The following DLGAP1 variants were observed in gnomAD, a reference collection of about 807,000 sequenced individuals.
DLGAP1 encodes the protein disks large-associated protein 1.
A neutral mutation model predicts 90.8 loss-of-function variants in DLGAP1; 11 were observed. The ratio of observed to expected loss-of-function variants is 0.12; its 90% CI spans 0.08 to 0.20. The LOEUF (loss-of-function observed/expected upper bound fraction) is 0.20, where lower values mean the gene tolerates loss of function less well. DLGAP1 is among the 10% of genes least tolerant of loss of function. The pLI, the probability that DLGAP1 is intolerant of heterozygous loss-of-function variation, is 1.00. For synonymous variants in DLGAP1, 558 were observed against 540.7 expected (o/e 1.03, Z -0.44); for missense variants, 1,050 against 1,333.8 (o/e 0.79, Z 3.31).
chr18:4,094,711 CCTCAACCTCCCAAGTAG>C (rs1227729091), intron 2 of DLGAP1, among the ~76,000 whole-genome samples: 1 of 151,048 alleles, frequency 6.6e-6, no homozygotes, highest in Non-Finnish European at 1.5e-5. Context: ...GATTCTCCTG[CCTCAACCTCCCAAGTAG>C]CTGGGACTAC....
chr18:4,026,684 C>A (rs2074704234), intron 2 of DLGAP1, among the ~76,000 whole-genome samples: 1 of 152,168 alleles, frequency 6.6e-6, no homozygotes, highest in African/African-American at 2.4e-5. Context: ...AGTGGTGCCA[C>A]ATTTTCTATT....
intron 2 of DLGAP1, among the ~76,000 whole-genome samples, chr18:4,125,784 G>A (rs1046171628): frequency 2.6e-5 from 4 of 152,162 alleles, no homozygotes; most frequent in African/African-American, 4.8e-5. Context: ...GATACACCTG[G>A]ACCTGTTTCT....
intron 1 of DLGAP1, among the ~76,000 whole-genome samples, chr18:4,252,567 A>G (rs182905425): frequency 6.6e-6 from 1 of 152,352 alleles, no homozygotes; most frequent in Admixed American, 6.5e-5. Flanking sequence ...CTTTGCACAA[A>G]ACAGCAGTCA....
rs578163621 is a variant in DLGAP1 at position 4,151,242 on chromosome 18, T to C, written c.-221A>G. 3.3e-5 allele frequency: 5 copies of C among 151,956 alleles called. No homozygotes were observed. In the East Asian group the frequency reaches 5.8e-4, roughly 18 times the overall value. 9.4% of individuals were successfully genotyped at this position (151,956 alleles called of 1,614,324 possible). ...TCAGGAAAAGATCCAAATTGCAGGC[T>C]TTTTTTTAACCTGATGTCACTCTGG... On this transcript the variant is annotated 5_prime_UTR_variant, in exon 2 of 13. Transcript: ENST00000315677.
chr18:3,545,958 A>G (rs1340302614), intron 9 of DLGAP1, among the ~76,000 whole-genome samples: 1 of 152,238 alleles, frequency 6.6e-6, no homozygotes, highest in African/African-American at 2.4e-5. Flanking sequence ...TTCTTAATAC[A>G]TAAAGCAAGC....
At chr18:4,038,357 A>G (rs1207264053) in intron 2 of DLGAP1, among the ~76,000 whole-genome samples, 4 of 152,150 alleles carry the variant, frequency 2.6e-5, no homozygotes, top group African/African-American at 9.7e-5. Flanking sequence ...CTTGAAGGTA[A>G]TATGTATGGG....
Position 3,629,829 on chromosome 18 carries a change from T to C in DLGAP1, c.1592-47581A>G, listed in dbSNP as rs549800535. ...CTTTTTGCAGGTTTTGATATTTCGA[T>C]GTCCCTTTCTTGTGAAGGGCAAAGT... On this transcript the variant is annotated intron_variant, in intron 7 of 12. Coordinates refer to ENST00000315677, the MANE Select transcript of DLGAP1 (RefSeq NM_004746.4). 2.6e-4 allele frequency among the ~76,000 whole-genome samples: 39 copies of C among 152,342 alleles called. No homozygotes were observed. In the South Asian group the frequency reaches 2.7e-3, roughly 11 times the overall value.
chr18:4,445,448 T>G (rs1168294271), intron 1 of DLGAP1, among the ~76,000 whole-genome samples: 1 of 62,406 alleles, frequency 1.6e-5, no homozygotes, highest in African/African-American at 6.7e-5. Flanking sequence ...CCCTCCCCCC[T>G]CCCCCCACCC....
intron 9 of DLGAP1, among the ~76,000 whole-genome samples, chr18:3,561,997 G>A (rs1425523756): frequency 6.6e-6 from 1 of 150,490 alleles, no homozygotes; most frequent in Non-Finnish European, 1.5e-5. Context: ...GGGAGGCCGA[G>A]GCGGGAAGAT....
At chr18:3,755,343 A>C (rs559570663) in intron 5 of DLGAP1, among the ~76,000 whole-genome samples, 9 of 152,280 alleles carry the variant, frequency 5.9e-5, no homozygotes, top group Admixed American at 5.9e-4. Flanking sequence ...AAAGGCTGAG[A>C]TTGTCAGACT....
chr18:3,551,769 T>G (rs2053488945), intron 9 of DLGAP1, among the ~76,000 whole-genome samples: 1 of 106,518 alleles, frequency 9.4e-6, no homozygotes, highest in Admixed American at 1.1e-4. Context: ...CCTTCCTTCC[T>G]TCTTTCCTTC....
chr18:4,346,366 A>G (rs1190349491), intron 1 of DLGAP1, among the ~76,000 whole-genome samples: 1 of 152,186 alleles, frequency 6.6e-6, no homozygotes, highest in African/African-American at 2.4e-5. Context: ...AAGACTGTGA[A>G]AAAAAGAAAT....
intron 2 of DLGAP1, among the ~76,000 whole-genome samples, chr18:4,037,562 G>C (rs1242732511): frequency 6.6e-6 from 1 of 152,098 alleles, no homozygotes; most frequent in Non-Finnish European, 1.5e-5. Flanking sequence ...CCTTTGTTCT[G>C]AGCTGCGCCA....
chr18:3,799,364 T>C (rs2066174323), intron 5 of DLGAP1, among the ~76,000 whole-genome samples: 1 of 152,104 alleles, frequency 6.6e-6, no homozygotes, highest in Admixed American at 6.5e-5. Flanking sequence ...AAGAGGAGTG[T>C]GGCTAAGGCG....
intron 5 of DLGAP1, among the ~76,000 whole-genome samples, chr18:3,807,933 A>G (rs2066644747): frequency 6.6e-6 from 1 of 152,162 alleles, no homozygotes; most frequent in South Asian, 2.1e-4. Context: ...CTTCCTTTCA[A>G]CACAGGCTTT....
chr18:3,842,223 A>G (rs1441643045), intron 4 of DLGAP1, among the ~76,000 whole-genome samples: 1 of 152,038 alleles, frequency 6.6e-6, no homozygotes, highest in Non-Finnish European at 1.5e-5. Context: ...AAGAAAGAGA[A>G]AAGCAGACCA....
chr18:3,808,142 T>C (rs571274527), intron 5 of DLGAP1, among the ~76,000 whole-genome samples: 1 of 152,358 alleles, frequency 6.6e-6, no homozygotes, highest in East Asian at 1.9e-4. Context: ...ATAAAGCTGA[T>C]TTCTAACAAA....
chr18:4,088,616 T>A (rs1230046847), intron 2 of DLGAP1, among the ~76,000 whole-genome samples: 1 of 152,198 alleles, frequency 6.6e-6, no homozygotes, highest in African/African-American at 2.4e-5. Flanking sequence ...TTTGAAAAAG[T>A]TATTATTTGC....
intron 2 of DLGAP1, among the ~76,000 whole-genome samples, chr18:4,106,732 T>C (rs994250635): frequency 6.6e-5 from 10 of 152,294 alleles, no homozygotes; most frequent in South Asian, 4.1e-4. Flanking sequence ...CGTAGAAGAA[T>C]AGCATTTTTG....
Sources: gnomAD v4.1 joint callset for allele counts (sites outside exome capture counted in the v4.1 genomes callset) on GRCh38, gnomAD v4.1.1 for gene constraint, MANE v1.5 for transcripts, NCBI Gene and HGNC (gene_info 2026-07-23, HGNC 2026-07-21) for gene names.